The following PTPRN2 variants were observed in gnomAD, a reference collection of about 807,000 sequenced individuals.
PTPRN2 encodes the protein receptor-type tyrosine-protein phosphatase N2.
PTPRN2 carries 74 observed loss-of-function variants against 118.8 expected under a neutral mutation model. That is an observed-to-expected ratio of 0.62 (90% CI 0.52 to 0.76). PTPRN2 has a LOEUF of 0.76. Among genes scored for constraint, PTPRN2 ranks in the 30% least tolerant of loss-of-function variants. PTPRN2 has a pLI of 0.00. For missense variants in PTPRN2, 1,481 were observed against 1,394.4 expected, an observed-to-expected ratio of 1.06 and a Z score of -0.99; for synonymous variants, 641 against 608.0, an observed-to-expected ratio of 1.05 and a Z score of -0.80.
At chr7:158,117,262 A>T (rs2150384073) in intron 9 of PTPRN2, among the ~76,000 whole-genome samples, 1 of 152,314 alleles carries the variant, frequency 6.6e-6, no homozygotes, top group East Asian at 1.9e-4. Flanking sequence ...TCAAAATACA[A>T]TAGCTGAAAT....
At chr7:158,409,816 T>C (rs1483094224) in intron 2 of PTPRN2, among the ~76,000 whole-genome samples, 2 of 152,298 alleles carry the variant, frequency 1.3e-5, no homozygotes, top group South Asian at 2.1e-4. Flanking sequence ...ATCTGGCAAG[T>C]GTTTTAAGAA....
At chr7:158,328,402 A>G (rs2151138965) in intron 2 of PTPRN2, among the ~76,000 whole-genome samples, 1 of 152,342 alleles carries the variant, frequency 6.6e-6, no homozygotes. Context: ...ATCGCTGGAA[A>G]TTCCTTTATT....
chr7:157,730,543 G>C (rs1285086465), intron 12 of PTPRN2, among the ~76,000 whole-genome samples: 4 of 152,184 alleles, frequency 2.6e-5, no homozygotes, highest in Non-Finnish European at 2.9e-5. Context: ...AATAAAGGCT[G>C]GGCCATTTCC....
intron 2 of PTPRN2, among the ~76,000 whole-genome samples, chr7:158,361,833 A>T (rs1809006495): frequency 6.6e-6 from 1 of 152,110 alleles, no homozygotes; most frequent in South Asian, 2.1e-4. Context: ...GGCCCTCCTG[A>T]GAACCTGAGC....
chr7:158,269,873 AAG>A (rs1563065547), intron 3 of PTPRN2, among the ~76,000 whole-genome samples: 8 of 148,538 alleles, frequency 5.4e-5, no homozygotes, highest in African/African-American at 1.8e-4. Flanking sequence ...GAGAGACAGA[AAG>A]AGACAGAGAG....
At chr7:158,253,218 G>A (rs1585993923) in intron 3 of PTPRN2, among the ~76,000 whole-genome samples, 1 of 152,182 alleles carries the variant, frequency 6.6e-6, no homozygotes, top group South Asian at 2.1e-4. Flanking sequence ...TTTTCCAGGC[G>A]ACTGAGCCTG....
At chr7:158,185,446 G>A (rs1825056052) in intron 5 of PTPRN2, among the ~76,000 whole-genome samples, 1 of 152,138 alleles carries the variant, frequency 6.6e-6, no homozygotes, top group Admixed American at 6.5e-5. Flanking sequence ...ACTGACAGAG[G>A]AGAGTTTCAA....
intron 12 of PTPRN2, among the ~76,000 whole-genome samples, chr7:157,694,507 C>G (rs538497967): frequency 6.6e-6 from 1 of 152,304 alleles, no homozygotes; most frequent in East Asian, 1.9e-4. Flanking sequence ...ACTCTAAGCC[C>G]TAGAGTCTAG....
intron 10 of PTPRN2, among the ~76,000 whole-genome samples, chr7:158,102,378 TCA>T (rs1243156431): frequency 6.6e-6 from 1 of 152,040 alleles, no homozygotes; most frequent in Non-Finnish European, 1.5e-5. Flanking sequence ...CCCAATTATC[TCA>T]GTTATGTGTC....
rs1010105587 is a variant in PTPRN2, at chr7:157,903,322, G to A, written c.1724-4585C>T. Among the ~76,000 whole-genome samples, 5 of 152,048 alleles carry A rather than the reference G, an allele frequency of 3.3e-5. No individual in the cohort carries two copies. The highest frequency in any genetic ancestry group is 1.2e-4 in the African/African-American group (5 of 41,368). ...AGGGCTGAAACTCCCTCTGGGGGAC[G>A]TGCTCACTACCTGCAAGACGGGAGC... On this transcript the variant is annotated intron_variant, in intron 11 of 22. Coordinates refer to ENST00000389418, the MANE Select transcript of PTPRN2 (RefSeq NM_002847.5). This position sits in a 1 kb window ranked among gnomAD's most constrained non-coding sequence, Gnocchi z 4.2.
intron 2 of PTPRN2, among the ~76,000 whole-genome samples, chr7:158,336,289 G>A (rs372279721): frequency 0.011 from 1,330 of 115,876 alleles, 2 homozygotes; most frequent in African/African-American, 0.042. Context: ...GCTGACGCCC[G>A]CAGACGTCAC....
chr7:157,732,037 C>T (rs1459290452), intron 12 of PTPRN2, among the ~76,000 whole-genome samples: 67 of 97,034 alleles, frequency 6.9e-4, no homozygotes, highest in Non-Finnish European at 1.1e-3. Flanking sequence ...CCTTTTCCGC[C>T]CCATGGCCCA....
chr7:158,444,549 A>G (rs1035749348), intron 2 of PTPRN2, among the ~76,000 whole-genome samples: 2 of 152,224 alleles, frequency 1.3e-5, no homozygotes. Flanking sequence ...GTCCCAGGCC[A>G]AAACCCTGTT....
intron 10 of PTPRN2, among the ~76,000 whole-genome samples, chr7:158,100,686 C>T (rs1815163954): frequency 6.6e-6 from 1 of 152,058 alleles, no homozygotes; most frequent in Admixed American, 6.6e-5. Flanking sequence ...GTTTGTTGGC[C>T]ATTTGTATAT....
chr7:158,497,423 G>A (rs1175746077), intron 1 of PTPRN2, among the ~76,000 whole-genome samples: 2 of 151,586 alleles, frequency 1.3e-5, no homozygotes, highest in Non-Finnish European at 2.9e-5. Flanking sequence ...CACAGCCCCA[G>A]CCCAGCGTTT....
intron 12 of PTPRN2, chr7:157,863,296 A>G (rs1810381560): frequency 6.6e-6 from 1 of 152,252 alleles, no homozygotes; most frequent in Non-Finnish European, 1.5e-5. Context: ...CTGTGCCACA[A>G]AACCTTTGCT....
chr7:157,762,185 G>A (rs547411763), intron 12 of PTPRN2, among the ~76,000 whole-genome samples: 2 of 152,176 alleles, frequency 1.3e-5, no homozygotes, highest in African/African-American at 4.8e-5. Flanking sequence ...AGTCAGTGTG[G>A]CGATTCCTCA....
At chr7:157,851,973 C>T (rs992759805) in intron 12 of PTPRN2, among the ~76,000 whole-genome samples, 2 of 152,244 alleles carry the variant, frequency 1.3e-5, no homozygotes, top group South Asian at 2.1e-4. Flanking sequence ...GACAAGAGGA[C>T]GTGTTACTCA....
chr7:157,756,916 C>T (rs997105248), intron 12 of PTPRN2, among the ~76,000 whole-genome samples: 5 of 152,040 alleles, frequency 3.3e-5, no homozygotes, highest in Admixed American at 1.3e-4. Flanking sequence ...CACTTAAGCA[C>T]ATGAAGAAGA....
Sources: gnomAD v4.1 joint callset for allele counts (sites outside exome capture counted in the v4.1 genomes callset) on GRCh38, gnomAD v4.1.1 for gene constraint, Gnocchi (gnomAD v3.1) non-coding constraint, MANE v1.5 for transcripts, NCBI Gene and HGNC (gene_info 2026-07-23, HGNC 2026-07-21) for gene names.